Variants in GPHN observed in about 807,000 individuals in gnomAD.
GPHN encodes gephyrin.
Under a neutral mutation model 95.5 loss-of-function variants are expected in GPHN, and 17 were observed. The ratio of observed to expected loss-of-function variants is 0.18; its 90% CI spans 0.12 to 0.27. GPHN has a LOEUF of 0.27. Ranked by LOEUF, GPHN falls within the 10% of genes least tolerant of loss-of-function variation. The pLI, the probability that GPHN is intolerant of heterozygous loss-of-function variation, is 1.00. For missense variants in GPHN, 660 were observed against 978.1 expected (o/e 0.67, Z 4.34); for synonymous variants, 320 against 322.5 (o/e 0.99, Z 0.08).
At chr14:66,652,003 C>T (rs2065066405) in intron 1 of GPHN, among the ~76,000 whole-genome samples, 3 of 152,034 alleles carry the variant, frequency 2.0e-5, no homozygotes, top group Non-Finnish European at 4.4e-5. Context: ...TTCCCCACCC[C>T]CAGTTCACGG....
At chr14:67,237,155 GT>G in the GPHN span, among the ~76,000 whole-genome samples, 1 of 151,792 alleles carries the variant, frequency 6.6e-6, no homozygotes, top group Non-Finnish European at 1.5e-5. Flanking sequence ...GGTAATTTTT[GT>G]TTCATAATTT....
chr14:66,828,816 G>C (rs1226166856), intron 4 of GPHN, among the ~76,000 whole-genome samples: 1 of 149,866 alleles, frequency 6.7e-6, no homozygotes, highest in African/African-American at 2.5e-5. Context: ...ATCAAGTATA[G>C]TAAAGTTTAT....
the GPHN span, among the ~76,000 whole-genome samples, chr14:67,341,885 C>T: frequency 2.0e-5 from 3 of 151,940 alleles, no homozygotes; most frequent in African/African-American, 7.3e-5. Flanking sequence ...ATGACCTTAC[C>T]CCCAACCCTG....
intron 1 of GPHN, among the ~76,000 whole-genome samples, chr14:66,674,353 C>T (rs1225709826): frequency 2.0e-5 from 3 of 152,092 alleles, no homozygotes; most frequent in Non-Finnish European, 4.4e-5. Flanking sequence ...CCGCCTCAGC[C>T]TCCCAAAGTG....
intron 8 of GPHN, among the ~76,000 whole-genome samples, chr14:66,957,061 A>G (rs564218356): frequency 1.1e-3 from 166 of 151,400 alleles, no homozygotes; most frequent in African/African-American, 3.7e-3. Flanking sequence ...ACATGTATAC[A>G]TATGTAACTA....
At chr14:67,025,176 T>G (rs1319284741) in intron 10 of GPHN, among the ~76,000 whole-genome samples, 1 of 152,224 alleles carries the variant, frequency 6.6e-6, no homozygotes, top group East Asian at 1.9e-4. Flanking sequence ...TTAGGACTCC[T>G]TTGATAATCT....
the GPHN span, among the ~76,000 whole-genome samples, chr14:67,347,094 C>T: frequency 2.3e-4 from 35 of 152,260 alleles, no homozygotes; most frequent in Admixed American, 7.2e-4. Flanking sequence ...AGCAATCCTC[C>T]CTCCTCAGCC....
the GPHN span, among the ~76,000 whole-genome samples, chr14:67,700,119 A>C: frequency 6.6e-6 from 1 of 151,816 alleles, no homozygotes; most frequent in Non-Finnish European, 1.5e-5. Context: ...CAGCCTGGAG[A>C]CAGAGCGAGA....
At chr14:67,732,429 C>CAAAAAAAA in the GPHN span, among the ~76,000 whole-genome samples, 1 of 126,492 alleles carries the variant, frequency 7.9e-6, no homozygotes, top group Non-Finnish European at 1.7e-5. Context: ...GACCCTATCT[C>CAAAAAAAA]AAAAAAAAAA....
chr14:67,656,667 C>T, the GPHN span: 2 of 1,468,320 alleles, frequency 1.4e-6, no homozygotes, highest in African/African-American at 2.8e-5. Context: ...ATCACCTTCC[C>T]CATGTTAGAA....
At chr14:67,295,810 CT>C in the GPHN span, among the ~76,000 whole-genome samples, 2 of 152,100 alleles carry the variant, frequency 1.3e-5, no homozygotes, top group Non-Finnish European at 2.9e-5. Context: ...GCAGTATCTG[CT>C]AAAGCTAATG....
At chr14:66,750,860 A>G (rs1176692555) in intron 2 of GPHN, among the ~76,000 whole-genome samples, 1 of 151,962 alleles carries the variant, frequency 6.6e-6, no homozygotes, top group East Asian at 1.9e-4. Flanking sequence ...ATTCCAGCAA[A>G]CGAGGTAAGT....
chr14:67,084,963 A>T (rs2076828482), intron 11 of GPHN, among the ~76,000 whole-genome samples: 1 of 152,250 alleles, frequency 6.6e-6, no homozygotes, highest in Admixed American at 6.5e-5. Flanking sequence ...TATTTCCCAC[A>T]TTGTGCTAAA....
chr14:67,454,859 G>T, the GPHN span, among the ~76,000 whole-genome samples: 2 of 151,836 alleles, frequency 1.3e-5, no homozygotes, highest in Admixed American at 6.6e-5. Context: ...AGCCAGGGCA[G>T]CATTCTTTCT....
chr14:67,640,885 C>T, the GPHN span, among the ~76,000 whole-genome samples: 10 of 152,154 alleles, frequency 6.6e-5, no homozygotes, highest in African/African-American at 9.7e-5. Context: ...AGAGGTTGAG[C>T]GTCCCTAATC....
chr14:67,092,161 T>C (rs1254684404), intron 12 of GPHN, among the ~76,000 whole-genome samples: 2 of 152,146 alleles, frequency 1.3e-5, no homozygotes, highest in Non-Finnish European at 2.9e-5. Flanking sequence ...TTTTTGTCTG[T>C]AATTCAGGAA....
intron 19 of GPHN, among the ~76,000 whole-genome samples, chr14:67,164,678 GAC>G (rs1473791312): frequency 1.3e-5 from 2 of 151,884 alleles, no homozygotes; most frequent in Non-Finnish European, 2.9e-5. Flanking sequence ...TTTTAGTAGA[GAC>G]AGGGTTTCAC....
intron 19 of GPHN, among the ~76,000 whole-genome samples, chr14:67,164,086 T>C (rs1299279755): frequency 6.6e-6 from 1 of 151,768 alleles, no homozygotes; most frequent in Non-Finnish European, 1.5e-5. Flanking sequence ...CTGACCAACA[T>C]GGAGAAACCC....
the GPHN span, among the ~76,000 whole-genome samples, chr14:67,408,332 AAT>A: frequency 6.8e-6 from 1 of 146,292 alleles, no homozygotes; most frequent in African/African-American, 2.5e-5. Flanking sequence ...AATAAAATAA[AAT>A]AAAATAAAAT....
Sources: gnomAD v4.1 joint callset for allele counts (sites outside exome capture counted in the v4.1 genomes callset) on GRCh38, gnomAD v4.1.1 for gene constraint, MANE v1.5 for transcripts, NCBI Gene and HGNC (gene_info 2026-07-23, HGNC 2026-07-21) for gene names.